Variants in HS3ST4 observed in about 807,000 individuals in gnomAD.
HS3ST4 encodes heparan sulfate-glucosamine 3-sulfotransferase 4, also known as heparan sulfate glucosamine 3-O-sulfotransferase 4.
HS3ST4 carries 17 observed loss-of-function variants against 29.2 expected under a neutral mutation model. The ratio of observed to expected loss-of-function variants is 0.58; its 90% CI spans 0.40 to 0.87. HS3ST4 has a LOEUF of 0.87. Ranked by LOEUF, HS3ST4 falls within the 40% of genes least tolerant of loss-of-function variation. The pLI is 0.00. For missense variants in HS3ST4, 627 were observed against 634.5 expected (o/e 0.99, Z 0.13); for synonymous variants, 314 against 285.7 (o/e 1.10, Z -1.00).
intron 1 of HS3ST4, among the ~76,000 whole-genome samples, chr16:26,044,520 C>T (rs996090279): frequency 6.6e-6 from 1 of 152,178 alleles, no homozygotes; most frequent in Non-Finnish European, 1.5e-5. Context: ...GATGGAAGCT[C>T]CTGCACTTGG....
intron 1 of HS3ST4, among the ~76,000 whole-genome samples, chr16:25,923,784 G>GT (rs1243667403): frequency 1.3e-5 from 2 of 151,888 alleles, no homozygotes; most frequent in Admixed American, 1.3e-4. Context: ...GTTTTTTCCA[G>GT]TAAGTCAATA....
chr16:25,904,136 ATGGATGGATGG>A, intron 1 of HS3ST4, among the ~76,000 whole-genome samples: 1 of 111,902 alleles, frequency 8.9e-6, no homozygotes, highest in African/African-American at 4.7e-5. Flanking sequence ...GGATGGATGG[ATGGATGGATGG>A]ATGGATGAAT....
intron 1 of HS3ST4, among the ~76,000 whole-genome samples, chr16:25,863,887 C>G (rs1967663384): frequency 6.6e-6 from 1 of 152,220 alleles, no homozygotes; most frequent in Admixed American, 6.5e-5. Flanking sequence ...ATGGTTTAAA[C>G]AAAAGAAATT....
At chr16:25,830,860 T>A (rs1967289450) in intron 1 of HS3ST4, among the ~76,000 whole-genome samples, 2 of 152,148 alleles carry the variant, frequency 1.3e-5, no homozygotes, top group Non-Finnish European at 2.9e-5. Flanking sequence ...TTTCTCATTT[T>A]TAATCCGTTC....
chr16:25,943,843 T>C (rs1341225656), intron 1 of HS3ST4, among the ~76,000 whole-genome samples: 1 of 152,182 alleles, frequency 6.6e-6, no homozygotes, highest in African/African-American at 2.4e-5. Flanking sequence ...GTGAGACCTA[T>C]GATGGTTTCT....
intron 1 of HS3ST4, among the ~76,000 whole-genome samples, chr16:25,936,851 A>G (rs1968521478): frequency 6.6e-6 from 1 of 152,264 alleles, no homozygotes; most frequent in African/African-American, 2.4e-5. Context: ...TTGTAGCATA[A>G]TATAATTTCA....
At chr16:25,828,262 T>TTCTCTCTCTCTCTCTCTCTC (rs1967246909) in intron 1 of HS3ST4, among the ~76,000 whole-genome samples, 1 of 87,832 alleles carries the variant, frequency 1.1e-5, no homozygotes, top group African/African-American at 4.6e-5. Context: ...CTTTCTTTCT[T>TTCTCTCTCTCTCTCTCTCTC]TCTTTCTTTC....
intron 1 of HS3ST4, among the ~76,000 whole-genome samples, chr16:26,134,440 GC>G (rs1341943821): frequency 9.0e-5 from 13 of 144,672 alleles, no homozygotes; most frequent in Non-Finnish European, 1.6e-4. Flanking sequence ...TCAGCTCACT[GC>G]AACCTCTGCC....
chr16:25,826,783 C>T (rs528965747), intron 1 of HS3ST4, among the ~76,000 whole-genome samples: 9 of 152,124 alleles, frequency 5.9e-5, no homozygotes, highest in African/African-American at 1.7e-4. Context: ...AGTAATTTCC[C>T]GGGTGATTTT....
chr16:26,127,254 T>C (rs1899356384), intron 1 of HS3ST4, among the ~76,000 whole-genome samples: 1 of 152,148 alleles, frequency 6.6e-6, no homozygotes, highest in African/African-American at 2.4e-5. Flanking sequence ...AAGCAGGAAA[T>C]TCCTAAACGT....
In HS3ST4 at chr16:26,122,385, T is replaced by C. The variant is rs1425377016; in HGVS notation, c.735-13227T>C. ...TTTAATTGTGTTGTATGGTGGTCTA[T>C]TGGTATTAAAAACCAATGAATGGTT... On this transcript the variant is annotated intron_variant, in intron 1 of 1. Transcript: ENST00000331351. Among the ~76,000 whole-genome samples the C allele has an allele frequency of 2.7e-5, 4 of 147,142 alleles. No individual in the cohort carries two copies. In the East Asian group the frequency reaches 5.8e-4, roughly 21 times the overall value.
Position 25,913,912 on chromosome 16 carries a change from A to C in HS3ST4, c.734+220761A>C, listed in dbSNP as rs148675362. Among the ~76,000 whole-genome samples the C allele has an allele frequency of 5.4e-4, 77 of 142,714 alleles. 1 individual carries two copies. In the East Asian group the frequency reaches 0.016, roughly 29 times the overall value. 93.6% of individuals were successfully genotyped at this position (142,714 alleles called of 152,430 possible). A position where few individuals can be genotyped will look rare whatever the true frequency, so the allele number is the denominator to read the frequency against. On this transcript the variant is annotated intron_variant, in intron 1 of 1. Transcript: ENST00000331351. ...ATATTTGTGGAGTGTATGTGTGTGC[A>C]TATGTATGTAGGGAGAGGCTATGTG...
At chr16:26,007,019 A>G (rs764336672) in intron 1 of HS3ST4, among the ~76,000 whole-genome samples, 1 of 152,230 alleles carries the variant, frequency 6.6e-6, no homozygotes, top group Non-Finnish European at 1.5e-5. Context: ...TTTCACTGTC[A>G]TCATTTTCTC....
At chr16:25,973,859 G>A (rs777821843) in intron 1 of HS3ST4, among the ~76,000 whole-genome samples, 3 of 152,148 alleles carry the variant, frequency 2.0e-5, no homozygotes, top group Non-Finnish European at 4.4e-5. Flanking sequence ...GCAACCCCAA[G>A]CTATTTGACT....
chr16:26,126,921 T>C (rs746461129), intron 1 of HS3ST4, among the ~76,000 whole-genome samples: 2 of 151,998 alleles, frequency 1.3e-5, no homozygotes, highest in Non-Finnish European at 2.9e-5. Context: ...TCTTTTTTAG[T>C]CCACAAAATA....
chr16:25,975,512 A>T lies in HS3ST4; in HGVS notation c.735-160100A>T, dbSNP rs1021394694. ...TTATGGCACTTTCATGTCATTCTGT[A>T]ATTTGAAAAACCTGCACATTTATGC... On this transcript the variant is annotated intron_variant, in intron 1 of 1. Transcript: ENST00000331351. 3.3e-5 allele frequency among the ~76,000 whole-genome samples: 5 copies of T among 152,286 alleles called. 1 individual carries two copies. The South Asian group carries it at 1.0e-3, about 32-fold the overall frequency.
intron 1 of HS3ST4, among the ~76,000 whole-genome samples, chr16:25,926,879 G>T (rs1485571272): frequency 6.6e-6 from 1 of 152,086 alleles, no homozygotes; most frequent in African/African-American, 2.4e-5. Flanking sequence ...TTAGATTTCA[G>T]TTCGTGTTTT....
At chr16:26,032,282 G>A (rs1035477900) in intron 1 of HS3ST4, among the ~76,000 whole-genome samples, 1 of 152,118 alleles carries the variant, frequency 6.6e-6, no homozygotes, top group Non-Finnish European at 1.5e-5. Context: ...CCCTCCTCCT[G>A]GGAGCCAAGA....
intron 1 of HS3ST4, among the ~76,000 whole-genome samples, chr16:25,773,943 G>A (rs1021177014): frequency 1.3e-5 from 2 of 152,034 alleles, no homozygotes; most frequent in East Asian, 1.9e-4. Context: ...TGACTATCTC[G>A]GTGACCAAAG....
Sources: gnomAD v4.1 joint callset for allele counts (sites outside exome capture counted in the v4.1 genomes callset) on GRCh38, gnomAD v4.1.1 for gene constraint, MANE v1.5 for transcripts, NCBI Gene and HGNC (gene_info 2026-07-23, HGNC 2026-07-21) for gene names.